Variants in CTNNA3 observed in about 807,000 individuals in gnomAD.
CTNNA3 encodes catenin alpha-3.
A neutral mutation model predicts 95.7 loss-of-function variants in CTNNA3; 76 were observed. The observed-to-expected ratio is 0.79, with a 90% CI of 0.66 to 0.96. The LOEUF (loss-of-function observed/expected upper bound fraction) is 0.96, where lower values mean the gene tolerates loss of function less well. Among genes scored for constraint, CTNNA3 ranks in the 40% least tolerant of loss-of-function variants. The pLI is 0.00. For synonymous variants in CTNNA3, 431 were observed against 374.4 expected (o/e 1.15, Z -1.74); for missense variants, 1,191 against 1,089.8 (o/e 1.09, Z -1.31).
chr10:66,386,296 C>A (rs553776925), intron 11 of CTNNA3, among the ~76,000 whole-genome samples: 45 of 152,160 alleles, frequency 3.0e-4, no homozygotes, highest in African/African-American at 1.0e-3. Context: ...TCCTATACAC[C>A]ATTAACAGAC....
In CTNNA3 at chr10:66,966,117, ATTATT is replaced by A. The variant is rs548658935; in HGVS notation, c.1048-190598_1048-190594del. The stretch of plus-strand genomic sequence containing the variant: ...TTGTAAAATTGGGATAACAATAGTT[ATTATT>A]TTATAGTGCCATTTTGAAAAATAGT... On this transcript the variant is annotated intron_variant, in intron 7 of 17. Transcript: ENST00000433211. Among the ~76,000 whole-genome samples the A allele has an allele frequency of 1.0e-3, 156 of 151,990 alleles. 2 individuals are homozygous for A. The highest frequency in any genetic ancestry group is 3.4e-3 in the African/African-American group (142 of 41,252).
intron 13 of CTNNA3, among the ~76,000 whole-genome samples, chr10:66,215,479 A>C (rs1369739321): frequency 6.6e-6 from 1 of 152,200 alleles, no homozygotes; most frequent in Non-Finnish European, 1.5e-5. Flanking sequence ...ACACATGAAA[A>C]TATACAATGA....
At chr10:67,204,986 G>A (rs1863825521) in intron 6 of CTNNA3, among the ~76,000 whole-genome samples, 2 of 152,264 alleles carry the variant, frequency 1.3e-5, no homozygotes, top group African/African-American at 4.8e-5. Context: ...AGTAATTGCG[G>A]GAGTTGCAAA....
intron 9 of CTNNA3, among the ~76,000 whole-genome samples, chr10:66,647,041 G>A (rs930494590): frequency 6.6e-6 from 1 of 152,002 alleles, no homozygotes; most frequent in African/African-American, 2.4e-5. Context: ...AAAGAATGCG[G>A]CTGCACCTCA....
chr10:65,982,443 G>C (rs1011678648), intron 16 of CTNNA3, among the ~76,000 whole-genome samples: 6 of 151,284 alleles, frequency 4.0e-5, no homozygotes, highest in African/African-American at 9.7e-5. Context: ...AAATAGTGTG[G>C]AGATTCCTTA....
At chr10:67,277,637 A>C (rs2132434087) in intron 5 of CTNNA3, among the ~76,000 whole-genome samples, 2 of 152,240 alleles carry the variant, frequency 1.3e-5, no homozygotes. Flanking sequence ...ACAGGTCACA[A>C]AGACTTTGCT....
rs2077008288 is a variant in CTNNA3, at chr10:65,916,321, A to G, written c.*4009T>C. 6.6e-6 allele frequency: 1 copy of G among 152,162 alleles called. No individual in the cohort carries two copies. The highest frequency in any genetic ancestry group is 2.4e-5 in the African/African-American group (1 of 41,438). 9.4% of individuals were successfully genotyped at this position (152,162 alleles called of 1,614,324 possible). On this transcript the variant is annotated 3_prime_UTR_variant, in exon 18 of 18. Transcript: ENST00000433211. The stretch of plus-strand genomic sequence containing the variant: ...AATAGGCAGGCTGTCTTGGCAAAAA[A>G]TAGGCCAACAAAAGAAAGTACAGAT...
intron 5 of CTNNA3, among the ~76,000 whole-genome samples, chr10:67,451,366 G>A (rs1205497461): frequency 6.6e-6 from 1 of 151,936 alleles, no homozygotes; most frequent in Non-Finnish European, 1.5e-5. Flanking sequence ...AGACTAGAAA[G>A]ATGTGATGTT....
intron 15 of CTNNA3, among the ~76,000 whole-genome samples, chr10:65,993,683 G>T (rs966611401): frequency 2.0e-5 from 3 of 152,066 alleles, no homozygotes; most frequent in Non-Finnish European, 4.4e-5. Context: ...TGGGTCATGT[G>T]GTCCTTGCTT....
intron 7 of CTNNA3, among the ~76,000 whole-genome samples, chr10:67,055,701 G>A (rs1855384527): frequency 6.6e-6 from 1 of 152,056 alleles, no homozygotes; most frequent in Non-Finnish European, 1.5e-5. Flanking sequence ...TGGTATTTTT[G>A]TGGGAGTAAG....
chr10:66,661,654 A>G (rs1011372252), intron 9 of CTNNA3, among the ~76,000 whole-genome samples: 4 of 152,152 alleles, frequency 2.6e-5, no homozygotes, highest in Admixed American at 6.5e-5. Context: ...AAAACAAAAC[A>G]AAAACAAAAT....
chr10:66,694,093 G>T (rs1402487244), intron 9 of CTNNA3, among the ~76,000 whole-genome samples: 1 of 151,968 alleles, frequency 6.6e-6, no homozygotes, highest in South Asian at 2.1e-4. Context: ...CTAGCAGAAG[G>T]CAAGAAATAA....
intron 11 of CTNNA3, among the ~76,000 whole-genome samples, chr10:66,446,927 C>T (rs1334082111): frequency 6.6e-6 from 1 of 151,610 alleles, no homozygotes; most frequent in Non-Finnish European, 1.5e-5. Flanking sequence ...TAGAAAACCC[C>T]ATCGTCTCAG....
chr10:66,295,089 T>C (rs1282697910), intron 12 of CTNNA3, among the ~76,000 whole-genome samples: 1 of 152,236 alleles, frequency 6.6e-6, no homozygotes, highest in Non-Finnish European at 1.5e-5. Flanking sequence ...ATTCATCCTT[T>C]TGGTGACACC....
At chr10:66,188,578 G>GTGT (rs143326401) in intron 13 of CTNNA3, among the ~76,000 whole-genome samples, 15 of 125,680 alleles carry the variant, frequency 1.2e-4, no homozygotes, top group Admixed American at 3.8e-4. Context: ...GTGTGTGTGT[G>GTGT]GGGGGAGGGG....
intron 5 of CTNNA3, among the ~76,000 whole-genome samples, chr10:67,519,141 C>T (rs1365699108): frequency 6.6e-6 from 1 of 152,080 alleles, no homozygotes; most frequent in Non-Finnish European, 1.5e-5. Context: ...ATACTAAGTT[C>T]AGACCTAGGA....
rs531099966 is a variant in CTNNA3 at position 67,658,084 on chromosome 10, C to G, written c.-5-10566G>C. Among the ~76,000 whole-genome samples, 9 of 152,232 alleles carry G rather than the reference C, an allele frequency of 5.9e-5. No homozygotes were observed. The East Asian group carries it at 1.2e-3, about 20-fold the overall frequency. On this transcript the variant is annotated intron_variant, in intron 1 of 17. Transcript: ENST00000433211. Reference sequence around the variant, plus strand: ...GTCTGCTAAAGAGTTCTTAAATTCTCTTACCTCTCACCACTATTGGGCCTC... The same window carrying G: ...GTCTGCTAAAGAGTTCTTAAATTCTGTTACCTCTCACCACTATTGGGCCTC...
At chr10:67,262,692 G>A (rs961073526) in intron 5 of CTNNA3, among the ~76,000 whole-genome samples, 1 of 151,864 alleles carries the variant, frequency 6.6e-6, no homozygotes, top group African/African-American at 2.4e-5. Context: ...TCTTTGGCGG[G>A]GAAAAATCCC....
In CTNNA3 at chr10:67,240,107, C is replaced by T. The variant is rs371329888; in HGVS notation, c.580-20237G>A. 1.4e-4 allele frequency among the ~76,000 whole-genome samples: 21 copies of T among 152,282 alleles called. No individual in the cohort carries two copies. The East Asian group carries it at 2.9e-3, about 21-fold the overall frequency. On this transcript the variant is annotated intron_variant, in intron 5 of 17. Coordinates refer to ENST00000433211, the MANE Select transcript of CTNNA3 (RefSeq NM_013266.4). ...ACATACAAATTACTGAGTTTCTCTT[C>T]CAGGTGTTTAAATGAGGTTTCTGAA... is the stretch of plus-strand genomic sequence containing the variant.
Sources: allele counts gnomAD v4.1 joint callset (sites outside exome capture counted in the v4.1 genomes callset), GRCh38; gene constraint gnomAD v4.1.1; transcripts MANE v1.5; gene names NCBI Gene and HGNC (gene_info 2026-07-23, HGNC 2026-07-21).